The following KIF20B variants were observed in gnomAD, a reference collection of about 807,000 sequenced individuals.
KIF20B encodes kinesin-like protein KIF20B.
In KIF20B, 188 loss-of-function variants were observed where a neutral mutation model predicts 232.5. That is an observed-to-expected ratio of 0.81 (90% CI 0.72 to 0.91). The LOEUF (loss-of-function observed/expected upper bound fraction) is 0.91. Among genes scored for constraint, KIF20B ranks in the 40% least tolerant of loss-of-function variants. The pLI is 0.00. For missense variants in KIF20B, 2,154 were observed against 2,055.9 expected (o/e 1.05, Z -0.92); for synonymous variants, 712 against 683.0 (o/e 1.04, Z -0.66).
At chr10:89,747,889 TAATAATAATAA>T (rs1432593014) in intron 23 of KIF20B, among the ~76,000 whole-genome samples, 3 of 151,164 alleles carry the variant, frequency 2.0e-5, no homozygotes, top group Non-Finnish European at 2.9e-5. Context: ...AGTATAATAA[TAATAATAATAA>T]AATTTTTAAA....
At chr10:89,768,532 T>G in intron 30 of KIF20B, 141 bp downstream of exon 30, 1 of 714,580 alleles carries the variant, frequency 1.4e-6, no homozygotes. Context: ...TAGCATCTAC[T>G]TTATGTGTTT....
chr10:89,711,939 A>T (rs1186569143), intron 6 of KIF20B, among the ~76,000 whole-genome samples: 1 of 152,084 alleles, frequency 6.6e-6, no homozygotes, highest in Admixed American at 6.6e-5. Context: ...TTTGGTGCTA[A>T]TTTTCCCAAA....
intron 5 of KIF20B, among the ~76,000 whole-genome samples, chr10:89,710,350 T>C (rs1381959632): frequency 6.6e-6 from 1 of 151,860 alleles, no homozygotes; most frequent in African/African-American, 2.4e-5. Context: ...GCTGCTCAGC[T>C]TCCCAAGTAG....
chr10:89,759,486 CT>C (rs1281576389), intron 27 of KIF20B, among the ~76,000 whole-genome samples: 1 of 151,978 alleles, frequency 6.6e-6, no homozygotes, highest in East Asian at 1.9e-4. Context: ...GCTTTAAAGC[CT>C]TCAGACAATA....
intron 29 of KIF20B, among the ~76,000 whole-genome samples, chr10:89,764,078 G>A (rs998873594): frequency 6.5e-5 from 8 of 122,630 alleles, no homozygotes. Flanking sequence ...CCCAGAGTGT[G>A]ATGTTCCCCT....
In KIF20B at chr10:89,774,558, A is replaced by G. The variant is rs1378827058; in HGVS notation, c.*510A>G. 2 of 152,054 alleles carry G rather than the reference A, an allele frequency of 1.3e-5. No individual in the cohort carries two copies. The highest frequency in any genetic ancestry group is 2.9e-5 in the Non-Finnish European group (2 of 67,944). The allele number at this position is 152,054 out of a possible 1,614,324, so 9.4% of individuals were successfully genotyped here. On this transcript the variant is annotated 3_prime_UTR_variant, in exon 33 of 33. Coordinates refer to ENST00000371728, the MANE Select transcript of KIF20B (RefSeq NM_001284259.2). Reference sequence around the variant, plus strand: ...CTTATTTTGTAAACATTTTGTGGGTACATAGTACATGTATATATTTACGGG... The same window carrying G: ...CTTATTTTGTAAACATTTTGTGGGTGCATAGTACATGTATATATTTACGGG...
intron 11 of KIF20B, 89 bp from the exon 12 acceptor site, chr10:89,718,621 C>T: frequency 1.0e-6 from 1 of 970,402 alleles, no homozygotes; most frequent in Non-Finnish European, 1.6e-6. Context: ...TGATAGGTGG[C>T]TTAATTATTT....
chr10:89,746,671 C>A (rs1307970059), intron 23 of KIF20B, among the ~76,000 whole-genome samples: 1 of 152,188 alleles, frequency 6.6e-6, no homozygotes, highest in East Asian at 1.9e-4. Context: ...TGGGCACAGG[C>A]CCGAGGGTGG....
At chr10:89,722,694 C>A (rs1843090647) in intron 13 of KIF20B, among the ~76,000 whole-genome samples, 1 of 151,912 alleles carries the variant, frequency 6.6e-6, no homozygotes. Flanking sequence ...ATAAAATAAA[C>A]AAACTTCCCA....
At position 89,709,261 on chromosome 10, in the gene KIF20B, T is replaced by C. The variant is rs1441762690; in HGVS notation, c.234+8T>C. The stretch of plus-strand genomic sequence containing the variant: ...AAAGAACTTGAGTCTGAGGTTTGTG[T>C]TGAATTTAATAGAATTTTAATATTT... On this transcript the variant is annotated splice_region_variant and intron_variant, in intron 3 of 32. Transcript: ENST00000371728. 1.9e-6 allele frequency: 3 copies of C among 1,600,154 alleles called. No homozygotes were observed. The highest frequency in any genetic ancestry group is 2.2e-5 in the East Asian group (1 of 44,732).
At chr10:89,739,207 A>G in intron 21 of KIF20B, 111 bp downstream of exon 21, 17 of 1,212,520 alleles carry the variant, frequency 1.4e-5, no homozygotes, top group Non-Finnish European at 1.9e-5. Flanking sequence ...CCACTTTATA[A>G]TTTTTCTTAA....
chr10:89,711,132 G>A lies in KIF20B; in HGVS notation c.662G>A (p.Arg221Gln), dbSNP rs1326317707. 1.2e-5 allele frequency: 18 copies of A among 1,539,408 alleles called. No individual in the cohort carries two copies. The East Asian group carries it at 1.6e-4, about 14-fold the overall frequency. ...ATTGCTAGCAAAAGTGCATTGCTTC[G>A]GCAAATTAAAGAGGTATGGAAATAT... ...EEIASKSALLRQIKEVTVHND... is the reference protein window; with the variant it reads ...EEIASKSALLQQIKEVTVHND... Residue 221 changes from arginine (R) to glutamine (Q), a missense_variant, in exon 6 of 33, where the codon CGG (arginine) becomes CAG (glutamine). Transcript: ENST00000371728.
At chr10:89,706,868 G>A (rs1270986552) in intron 2 of KIF20B, among the ~76,000 whole-genome samples, 21 of 151,900 alleles carry the variant, frequency 1.4e-4, no homozygotes, top group Non-Finnish European at 5.9e-5. Context: ...GCTTTTCTAG[G>A]AAAATTTTGG....
At chr10:89,748,417 G>T (rs946261061) in intron 23 of KIF20B, among the ~76,000 whole-genome samples, 2 of 152,250 alleles carry the variant, frequency 1.3e-5, no homozygotes, top group South Asian at 4.2e-4. Context: ...GCAGAACTAG[G>T]ATTTGAACCC....
At chr10:89,740,195 G>C (rs1841764681) in intron 21 of KIF20B, among the ~76,000 whole-genome samples, 1 of 140,022 alleles carries the variant, frequency 7.1e-6, no homozygotes, top group Non-Finnish European at 1.5e-5. Flanking sequence ...CCCAGTTTCT[G>C]CTCTGTTGAA....
intron 13 of KIF20B, among the ~76,000 whole-genome samples, chr10:89,722,797 A>G (rs1032129946): frequency 1.3e-5 from 2 of 152,152 alleles, no homozygotes; most frequent in African/African-American, 4.8e-5. Flanking sequence ...TTAAAATAGT[A>G]TTATGTATTT....
chr10:89,727,056 C>G (rs75164520), intron 16 of KIF20B, among the ~76,000 whole-genome samples: 24,624 of 151,892 alleles, frequency 0.16, 2,525 homozygotes, highest in Non-Finnish European at 0.23. Flanking sequence ...AGTGATACTG[C>G]CTGCCTCGGC....
At chr10:89,727,957 G>A (rs754128850) in intron 17 of KIF20B, 61 bp downstream of exon 17, 193 of 1,382,286 alleles carry the variant, frequency 1.4e-4, no homozygotes, top group Non-Finnish European at 1.8e-4. Flanking sequence ...GGGTATGAAT[G>A]ATGACTAGAT....
At chr10:89,728,164 A>G (rs917603456) in intron 17 of KIF20B, among the ~76,000 whole-genome samples, 5 of 152,178 alleles carry the variant, frequency 3.3e-5, no homozygotes, top group Admixed American at 2.0e-4. Context: ...TCTAATATCC[A>G]GTATTTAAAG....
Sources: allele counts gnomAD v4.1 joint callset (sites outside exome capture counted in the v4.1 genomes callset), GRCh38; gene constraint gnomAD v4.1.1; transcripts MANE v1.5; gene names NCBI Gene and HGNC (gene_info 2026-07-23, HGNC 2026-07-21).